Variants in CHSY3 observed in about 807,000 individuals in gnomAD.
The protein encoded by CHSY3 is chondroitin sulfate synthase 3, also known as N-acetylgalactosaminyl-proteoglycan 3-beta-glucuronosyltransferase 3.
CHSY3 carries 35 observed loss-of-function variants against 67.2 expected under a neutral mutation model. The observed-to-expected ratio is 0.52, with a 90% confidence interval of 0.40 to 0.69. The LOEUF is 0.69. Among genes scored for constraint, CHSY3 ranks in the 30% least tolerant of loss-of-function variants. The pLI, the probability that CHSY3 is intolerant of heterozygous loss-of-function variation, is 0.00. For missense variants in CHSY3, 1,069 were observed against 1,138.5 expected (o/e 0.94, Z 0.88); for synonymous variants, 474 against 434.7 (o/e 1.09, Z -1.12).
chr5:130,155,593 T>C (rs1769356916), intron 2 of CHSY3, among the ~76,000 whole-genome samples: 1 of 152,208 alleles, frequency 6.6e-6, no homozygotes, highest in African/African-American at 2.4e-5. Flanking sequence ...TGTTTAAAAT[T>C]GAAAAGCCTT....
intron 2 of CHSY3, among the ~76,000 whole-genome samples, chr5:130,065,155 A>G (rs1451191593): frequency 6.6e-6 from 1 of 152,064 alleles, no homozygotes; most frequent in Non-Finnish European, 1.5e-5. Flanking sequence ...GTGTTTTTTT[A>G]TGGTGGTTGT....
intron 2 of CHSY3, among the ~76,000 whole-genome samples, chr5:130,134,096 G>T (rs1371259762): frequency 6.6e-6 from 1 of 152,070 alleles, no homozygotes; most frequent in Non-Finnish European, 1.5e-5. Flanking sequence ...TACTTAAGTG[G>T]ACAATGAGGC....
intron 2 of CHSY3, among the ~76,000 whole-genome samples, chr5:129,987,901 T>A (rs1763251579): frequency 1.3e-5 from 2 of 152,336 alleles, no homozygotes; most frequent in Non-Finnish European, 2.9e-5. Context: ...TCTTTTGATT[T>A]ACCATGAAGA....
intron 2 of CHSY3, among the ~76,000 whole-genome samples, chr5:129,956,435 C>G (rs1762176454): frequency 6.6e-6 from 1 of 151,894 alleles, no homozygotes; most frequent in South Asian, 2.1e-4. Context: ...TGTTTAGGTT[C>G]CTTATAGATG....
intron 2 of CHSY3, among the ~76,000 whole-genome samples, chr5:129,985,734 C>A (rs761342467): frequency 3.3e-5 from 5 of 152,080 alleles, no homozygotes; most frequent in African/African-American, 4.8e-5. Flanking sequence ...TTGAACTGAT[C>A]TTTTACCTCC....
At chr5:130,102,272 A>C (rs1236630616) in intron 2 of CHSY3, among the ~76,000 whole-genome samples, 1 of 152,098 alleles carries the variant, frequency 6.6e-6, no homozygotes, top group Non-Finnish European at 1.5e-5. Flanking sequence ...CAAGACAAAT[A>C]ATCACCTCTA....
rs772506986 is a variant in CHSY3 at position 129,953,941 on chromosome 5, CTG to C, written c.1086+45582_1086+45583del. 1.1e-4 allele frequency among the ~76,000 whole-genome samples: 17 copies of C among 152,150 alleles called. No homozygotes were observed. The East Asian group carries it at 1.5e-3, about 14-fold the overall frequency. On this transcript the variant is annotated intron_variant, in intron 2 of 2. Transcript: ENST00000305031. The stretch of plus-strand genomic sequence containing the variant: ...CCATTCTGTAGGTTGCCTGTTCACT[CTG>C]ATGATACTTTCTTTTGCTGTGCAAA...
At chr5:130,052,285 T>C (rs1765387640) in intron 2 of CHSY3, 1 of 152,172 alleles carries the variant, frequency 6.6e-6, no homozygotes, top group Admixed American at 6.5e-5. Context: ...GAGCAGTTCA[T>C]GGTGCAGTCA....
At chr5:130,127,440 G>A (rs139933389) in intron 2 of CHSY3, among the ~76,000 whole-genome samples, 328 of 151,422 alleles carry the variant, frequency 2.2e-3, no homozygotes, top group Middle Eastern at 3.4e-3. Flanking sequence ...TAGATTCTGG[G>A]TTGCATCCTG....
chr5:129,971,981 C>A (rs1305322795), intron 2 of CHSY3, among the ~76,000 whole-genome samples: 2 of 151,992 alleles, frequency 1.3e-5, no homozygotes, highest in Non-Finnish European at 1.5e-5. Flanking sequence ...GCAGCTAATT[C>A]AAAAGTGTTG....
At chr5:130,089,502 C>T (rs1766801539) in intron 2 of CHSY3, among the ~76,000 whole-genome samples, 2 of 152,092 alleles carry the variant, frequency 1.3e-5, no homozygotes, top group African/African-American at 2.4e-5. Flanking sequence ...AAATTTTGCT[C>T]ATCAATAGTT....
intron 2 of CHSY3, among the ~76,000 whole-genome samples, chr5:129,977,255 C>A (rs1762840475): frequency 6.6e-6 from 1 of 152,034 alleles, no homozygotes; most frequent in Admixed American, 6.6e-5. Context: ...CTCCCAAGGA[C>A]AAAATGAATC....
chr5:129,928,161 A>G (rs1761177967), intron 2 of CHSY3, among the ~76,000 whole-genome samples: 1 of 150,440 alleles, frequency 6.6e-6, no homozygotes, highest in South Asian at 2.1e-4. Context: ...TAAACTTGGT[A>G]TTCATTTGTT....
chr5:130,049,749 G>T (rs1033385920), intron 2 of CHSY3, among the ~76,000 whole-genome samples: 6 of 145,078 alleles, frequency 4.1e-5, no homozygotes, highest in Non-Finnish European at 9.0e-5. Flanking sequence ...ATTATAAAAC[G>T]TTCCCTATAT....
intron 2 of CHSY3, among the ~76,000 whole-genome samples, chr5:130,153,703 G>T (rs1233712309): frequency 6.6e-6 from 1 of 152,168 alleles, no homozygotes; most frequent in African/African-American, 2.4e-5. Context: ...TGTGAGCACT[G>T]CTGCCAAGCC....
At chr5:129,961,031 A>G (rs1293722973) in intron 2 of CHSY3, among the ~76,000 whole-genome samples, 2 of 152,050 alleles carry the variant, frequency 1.3e-5, no homozygotes, top group African/African-American at 4.8e-5. Flanking sequence ...CTTGAATTGG[A>G]ATGTTTGGTT....
intron 2 of CHSY3, among the ~76,000 whole-genome samples, chr5:130,015,403 A>T (rs1195100494): frequency 6.6e-6 from 1 of 152,176 alleles, no homozygotes; most frequent in Non-Finnish European, 1.5e-5. Flanking sequence ...GCTAAAAAAA[A>T]CCTCATAAAA....
intron 1 of CHSY3, 184 bp downstream of exon 1, chr5:129,905,815 C>G: frequency 7.7e-7 from 1 of 1,293,854 alleles, no homozygotes; most frequent in South Asian, 1.6e-5. Context: ...CGTTCCTCGT[C>G]TTCTGCAATC....
At chr5:130,012,650 A>C (rs1232183742) in intron 2 of CHSY3, among the ~76,000 whole-genome samples, 1 of 152,166 alleles carries the variant, frequency 6.6e-6, no homozygotes, top group Non-Finnish European at 1.5e-5. Context: ...CTCATTTGCT[A>C]TCATGAGAAC....
Sources: gnomAD v4.1 joint callset for allele counts (sites outside exome capture counted in the v4.1 genomes callset) on GRCh38, gnomAD v4.1.1 for gene constraint, MANE v1.5 for transcripts, NCBI Gene and HGNC (gene_info 2026-07-23, HGNC 2026-07-21) for gene names.